ARSG: variants seen among roughly 807,000 people sequenced by gnomAD.
The protein encoded by ARSG is ASG.
ARSG carries 37 observed loss-of-function variants against 50.5 expected under a neutral mutation model. That is an observed-to-expected ratio of 0.73 (90% CI 0.56 to 0.96). The LOEUF (loss-of-function observed/expected upper bound fraction) is 0.96. ARSG is among the 50% of genes least tolerant of loss of function. ARSG has a pLI of 0.00. For missense variants in ARSG, 629 were observed against 675.3 expected (o/e 0.93, Z 0.76); for synonymous variants, 225 against 254.6 (o/e 0.88, Z 1.11).
intron 11 of ARSG, among the ~76,000 whole-genome samples, chr17:68,413,395 C>G (rs1166404558): frequency 5.9e-4 from 90 of 152,272 alleles, no homozygotes; most frequent in Middle Eastern, 3.4e-3. Context: ...AGGTGTCAGT[C>G]TGCCCCTGCT....
At chr17:68,309,963 T>G (rs1555766102) in intron 2 of ARSG, among the ~76,000 whole-genome samples, 1 of 145,648 alleles carries the variant, frequency 6.9e-6, no homozygotes. Context: ...TTTTTGTTTG[T>G]TTGTTTGTTT....
intron 2 of ARSG, among the ~76,000 whole-genome samples, chr17:68,333,291 C>T (rs9889549): frequency 0.012 from 1,802 of 151,978 alleles, 31 homozygotes; most frequent in African/African-American, 0.041. Flanking sequence ...CACTGCACTC[C>T]AGCCTGGGCG....
chr17:68,310,237 A>G (rs1599663803), intron 2 of ARSG, among the ~76,000 whole-genome samples: 1 of 152,112 alleles, frequency 6.6e-6, no homozygotes, highest in Non-Finnish European at 1.5e-5. Context: ...TGGGATTACA[A>G]GCGTGAGCCA....
At chr17:68,426,051 C>A, downstream of ARSG, 1 of 1,604,520 alleles carries the variant, frequency 6.2e-7, no homozygotes, top group African/African-American at 1.3e-5. Context: ...CTGAGCCGCC[C>A]AGTTACGGGT....
upstream of ARSG, among the ~76,000 whole-genome samples, chr17:68,288,919 G>A (rs183209959): frequency 6.6e-6 from 1 of 152,128 alleles, no homozygotes; most frequent in African/African-American, 2.4e-5. Flanking sequence ...TACAAAACTC[G>A]ACAATTCTGA....
At chr17:68,263,793 C>A (rs1254027757) in intron 1 of ARSG, among the ~76,000 whole-genome samples, 4 of 152,160 alleles carry the variant, frequency 2.6e-5, no homozygotes, top group Non-Finnish European at 5.9e-5. Context: ...ACTCTAGTTC[C>A]CTATTGGTGA....
the ARSG span, among the ~76,000 whole-genome samples, chr17:68,438,773 G>A: frequency 6.6e-6 from 1 of 152,086 alleles, no homozygotes; most frequent in Non-Finnish European, 1.5e-5. Flanking sequence ...GCTAATTTTT[G>A]TATTTTCAGT....
chr17:68,361,157 C>T (rs914201605), intron 6 of ARSG, among the ~76,000 whole-genome samples: 1 of 152,078 alleles, frequency 6.6e-6, no homozygotes, highest in African/African-American at 2.4e-5. Context: ...ATCAATCTTC[C>T]ATGGTGTCAT....
At position 68,271,090 on chromosome 17, in the gene ARSG, C is replaced by T. The variant is rs782309662; in HGVS notation, c.-552+11664C>T. The T allele has an allele frequency of 5.0e-6, 8 of 1,614,126 alleles. No individual in the cohort carries two copies. Among genetic ancestry groups the T allele is most frequent in the South Asian group, 1.1e-5 (1 of 91,074 alleles). On this transcript the variant is annotated intron_variant, in intron 1 of 11. Transcript: ENST00000448504. The surrounding 1 kb of genome is among the most constrained non-coding windows in gnomAD (Gnocchi z 5.3). Reference sequence around the variant, plus strand: ...GCAGATGAGCTCAATGTAAATCTTACGAATGGGCTCCCTGTTGAGGACAAA... The same window carrying T: ...GCAGATGAGCTCAATGTAAATCTTATGAATGGGCTCCCTGTTGAGGACAAA...
At chr17:68,438,726 A>G in the ARSG span, among the ~76,000 whole-genome samples, 152,340 of 152,340 alleles carry the variant, frequency 1, 76,170 homozygotes, top group Non-Finnish European at 1. Flanking sequence ...TCAGCCTGCC[A>G]AGTAGCTGGG....
intron 3 of ARSG, among the ~76,000 whole-genome samples, chr17:68,344,267 G>T (rs1599803736): frequency 6.6e-6 from 1 of 152,162 alleles, no homozygotes; most frequent in Non-Finnish European, 1.5e-5. Context: ...GGGTCTTTTG[G>T]CCACGCCTCA....
intron 10 of ARSG, among the ~76,000 whole-genome samples, chr17:68,396,334 C>A (rs761289597): frequency 2.6e-5 from 4 of 152,138 alleles, no homozygotes; most frequent in Non-Finnish European, 5.9e-5. Flanking sequence ...TGTTCTTGAC[C>A]AAGCAGACCT....
Position 68,271,242 on chromosome 17 carries a change from C to T in ARSG, c.-552+11816C>T. The T allele has an allele frequency of 6.2e-7, 1 of 1,614,146 alleles. No individual in the cohort carries two copies. The highest frequency in any genetic ancestry group is 1.3e-5 in the African/African-American group (1 of 75,068). On this transcript the variant is annotated intron_variant, in intron 1 of 11. Transcript: ENST00000448504. This position sits in a 1 kb window ranked among gnomAD's most constrained non-coding sequence, Gnocchi z 5.3. ...TGTACAAGGAAGGTGCAAAGAATCC[C>T]AGTGTTGCAAAGAGACCAAATAATG...
intron 1 of ARSG, among the ~76,000 whole-genome samples, chr17:68,284,119 A>G (rs1246515382): frequency 6.6e-6 from 1 of 150,550 alleles, no homozygotes; most frequent in Non-Finnish European, 1.5e-5. Context: ...AAAAAAAAAA[A>G]AAAAAAGCTG....
At chr17:68,429,465 C>T in the ARSG span, among the ~76,000 whole-genome samples, 1 of 152,196 alleles carries the variant, frequency 6.6e-6, no homozygotes, top group African/African-American at 2.4e-5. Flanking sequence ...GTTTTTAAGA[C>T]AGTGTCATTA....
chr17:68,282,083 A>G lies in ARSG; in HGVS notation c.-552+22657A>G, dbSNP rs534933762. ...TTATTGCGGCACTATTCACAACAGC[A>G]AAGACTTGGAACCAATCCAAATGTC... On this transcript the variant is annotated intron_variant, in intron 1 of 11. Transcript: ENST00000448504. Among the ~76,000 whole-genome samples the G allele has an allele frequency of 1.2e-3, 184 of 152,314 alleles. 1 individual carries two copies. The highest frequency in any genetic ancestry group is 1.9e-3 in the Non-Finnish European group (132 of 68,032).
intron 2 of ARSG, among the ~76,000 whole-genome samples, chr17:68,336,710 G>A (rs1263400107): frequency 6.6e-6 from 1 of 152,040 alleles, no homozygotes; most frequent in Non-Finnish European, 1.5e-5. Context: ...AAAATTAGCT[G>A]AGCATGGTGG....
At chr17:68,275,177 T>A (rs2075473657) in intron 1 of ARSG, among the ~76,000 whole-genome samples, 1 of 152,226 alleles carries the variant, frequency 6.6e-6, no homozygotes, top group South Asian at 2.1e-4. Context: ...TGAATCATCA[T>A]TTGCTTAGCT....
intron 1 of ARSG, among the ~76,000 whole-genome samples, chr17:68,300,716 T>G (rs1392952933): frequency 6.6e-6 from 1 of 152,182 alleles, no homozygotes. Flanking sequence ...GGCTTTCTTC[T>G]GTGACAGTCT....
Sources: gnomAD v4.1 joint callset for allele counts (sites outside exome capture counted in the v4.1 genomes callset) on GRCh38, gnomAD v4.1.1 for gene constraint, Gnocchi (gnomAD v3.1) non-coding constraint, MANE v1.5 for transcripts, NCBI Gene and HGNC (gene_info 2026-07-23, HGNC 2026-07-21) for gene names.